The following KATNIP variants were observed in gnomAD, a reference collection of about 807,000 sequenced individuals.
KATNIP encodes katanin-interacting protein.
A neutral mutation model predicts 174.0 loss-of-function variants in KATNIP; 126 were observed. That is an observed-to-expected ratio of 0.72 (90% CI 0.63 to 0.84). The LOEUF is 0.84. Among genes scored for constraint, KATNIP ranks in the 40% least tolerant of loss-of-function variants. KATNIP has a pLI of 0.00. For synonymous variants in KATNIP, 810 were observed against 835.7 expected (o/e 0.97, Z 0.53); for missense variants, 1,958 against 2,109.7 (o/e 0.93, Z 1.41).
At chr16:27,731,821 A>G (rs1597323042) in intron 14 of KATNIP, among the ~76,000 whole-genome samples, 1 of 152,040 alleles carries the variant, frequency 6.6e-6, no homozygotes, top group South Asian at 2.1e-4. Flanking sequence ...GGATTTCACC[A>G]TGTTGGCCAG....
At chr16:27,554,738 A>G (rs1200821908) in intron 1 of KATNIP, among the ~76,000 whole-genome samples, 1 of 147,658 alleles carries the variant, frequency 6.8e-6, no homozygotes, top group Non-Finnish European at 1.5e-5. Flanking sequence ...GTCATATTTG[A>G]CCTCCAAAGA....
At chr16:27,566,241 C>CA (rs1362019222) in intron 1 of KATNIP, among the ~76,000 whole-genome samples, 3 of 152,086 alleles carry the variant, frequency 2.0e-5, no homozygotes, top group East Asian at 3.9e-4. Flanking sequence ...AAGCCAGAAT[C>CA]AAGGTTCAGG....
At chr16:27,556,960 C>T (rs1457967423) in intron 1 of KATNIP, among the ~76,000 whole-genome samples, 1 of 152,022 alleles carries the variant, frequency 6.6e-6, no homozygotes, top group East Asian at 1.9e-4. Context: ...GTCACTTTAA[C>T]TTATAGGAAG....
intron 20 of KATNIP, among the ~76,000 whole-genome samples, chr16:27,767,177 AC>A (rs2082155363): frequency 6.6e-6 from 1 of 152,136 alleles, no homozygotes; most frequent in South Asian, 2.1e-4. Flanking sequence ...CTAGGGCCCT[AC>A]TATCAGGAGG....
intron 6 of KATNIP, among the ~76,000 whole-genome samples, chr16:27,672,484 C>T (rs1447269859): frequency 2.6e-5 from 4 of 152,230 alleles, no homozygotes; most frequent in Non-Finnish European, 5.9e-5. Context: ...ACTGTATGCT[C>T]CTATAAGGCC....
chr16:27,550,590 G>A (rs1319101536), intron 1 of KATNIP, among the ~76,000 whole-genome samples: 1 of 152,140 alleles, frequency 6.6e-6, no homozygotes, highest in African/African-American at 2.4e-5. Context: ...GGGGTGAAGG[G>A]AGTTTAGGAA....
intron 6 of KATNIP, among the ~76,000 whole-genome samples, chr16:27,663,475 C>A (rs1463593893): frequency 6.6e-6 from 1 of 151,666 alleles, no homozygotes; most frequent in African/African-American, 2.4e-5. Flanking sequence ...CAGAGTATTG[C>A]TCTGTCGCCC....
At chr16:27,653,583 T>C (rs2142383184) in intron 6 of KATNIP, among the ~76,000 whole-genome samples, 1 of 147,724 alleles carries the variant, frequency 6.8e-6, no homozygotes, top group East Asian at 1.9e-4. Flanking sequence ...TCTGAGTGGG[T>C]GCCTTTTTAA....
intron 13 of KATNIP, among the ~76,000 whole-genome samples, chr16:27,717,647 T>A (rs1310826809): frequency 6.6e-6 from 1 of 152,078 alleles, no homozygotes; most frequent in Non-Finnish European, 1.5e-5. Context: ...GTTGGGCAAG[T>A]TATGGAGTAG....
At chr16:27,665,904 C>G (rs188372743) in intron 6 of KATNIP, among the ~76,000 whole-genome samples, 275 of 152,232 alleles carry the variant, frequency 1.8e-3, no homozygotes, top group African/African-American at 6.3e-3. Context: ...CCCAACCCAC[C>G]ATGTATGTTT....
intron 1 of KATNIP, among the ~76,000 whole-genome samples, chr16:27,550,792 G>C (rs552577493): frequency 6.6e-6 from 1 of 152,308 alleles, no homozygotes; most frequent in African/African-American, 2.4e-5. Flanking sequence ...CTTGCCCAAA[G>C]TCAAACAACC....
intron 8 of KATNIP, among the ~76,000 whole-genome samples, chr16:27,693,411 T>C (rs1431799398): frequency 1.3e-5 from 2 of 152,070 alleles, no homozygotes; most frequent in Non-Finnish European, 2.9e-5. Flanking sequence ...TTTTTTGAGA[T>C]GGAGTCTCGC....
At chr16:27,694,819 A>AAATT (rs1256699093) in intron 8 of KATNIP, among the ~76,000 whole-genome samples, 1 of 151,594 alleles carries the variant, frequency 6.6e-6, no homozygotes, top group African/African-American at 2.4e-5. Flanking sequence ...ATAAATAAAT[A>AAATT]AATTTACATA....
intron 2 of KATNIP, among the ~76,000 whole-genome samples, chr16:27,577,738 T>C (rs1392951574): frequency 1.3e-5 from 2 of 152,008 alleles, no homozygotes; most frequent in East Asian, 1.9e-4. Context: ...TCAGGTGTGG[T>C]GTCTTGTGCC....
At chr16:27,648,790 T>G in intron 6 of KATNIP, 55 bp downstream of exon 6, 1 of 1,584,550 alleles carries the variant, frequency 6.3e-7, no homozygotes, top group Non-Finnish European at 8.6e-7. Flanking sequence ...CGAGGCTCGG[T>G]GCTGCAGTGG....
chr16:27,728,259 A>G (rs373285011), intron 14 of KATNIP, among the ~76,000 whole-genome samples: 1 of 152,224 alleles, frequency 6.6e-6, no homozygotes, highest in Non-Finnish European at 1.5e-5. Context: ...GCCACTGCCA[A>G]TGGCCAGAGG....
chr16:27,666,571 C>T (rs1021139695), intron 6 of KATNIP, among the ~76,000 whole-genome samples: 1 of 152,148 alleles, frequency 6.6e-6, no homozygotes, highest in African/African-American at 2.4e-5. Context: ...GTGTCCACCA[C>T]CACACCCGGC....
intron 17 of KATNIP, among the ~76,000 whole-genome samples, 189 bp downstream of exon 17, chr16:27,752,113 T>A (rs1019084695): frequency 2.6e-5 from 4 of 152,244 alleles, no homozygotes; most frequent in Non-Finnish European, 4.4e-5. Context: ...ATTTTTATTT[T>A]TTTATTTTTT....
At chr16:27,592,026 A>G (rs909071886) in intron 2 of KATNIP, among the ~76,000 whole-genome samples, 2 of 152,278 alleles carry the variant, frequency 1.3e-5, no homozygotes, top group South Asian at 4.1e-4. Context: ...CGCCAACATA[A>G]TAAACAGCTT....
Sources: allele counts gnomAD v4.1 joint callset (sites outside exome capture counted in the v4.1 genomes callset), GRCh38; gene constraint gnomAD v4.1.1; transcripts MANE v1.5; gene names NCBI Gene and HGNC (gene_info 2026-07-23, HGNC 2026-07-21).